PRKCA: variants seen among roughly 807,000 people sequenced by gnomAD.
PRKCA encodes the protein protein kinase C alpha.
In PRKCA, 27 loss-of-function variants were observed where a neutral mutation model predicts 87.0. That is an observed-to-expected ratio of 0.31 (90% CI 0.23 to 0.43). The LOEUF is 0.43. PRKCA is among the 20% of genes least tolerant of loss of function. The pLI is 1.00. For synonymous variants in PRKCA, 329 were observed against 311.1 expected (o/e 1.06, Z -0.61); for missense variants, 518 against 852.3 (o/e 0.61, Z 4.88).
chr17:66,707,847 A>G (rs1973228315), intron 8 of PRKCA, among the ~76,000 whole-genome samples: 1 of 152,188 alleles, frequency 6.6e-6, no homozygotes, highest in Non-Finnish European at 1.5e-5. Context: ...GACCCAGGCC[A>G]CAAGTCAGTT....
chr17:66,664,657 T>C (rs1228462672), intron 5 of PRKCA, among the ~76,000 whole-genome samples: 3 of 141,146 alleles, frequency 2.1e-5, no homozygotes, highest in African/African-American at 7.9e-5. Flanking sequence ...GTTTTTTTTT[T>C]TTTTTTTTTT....
At chr17:66,584,968 A>C (rs567992416) in intron 3 of PRKCA, among the ~76,000 whole-genome samples, 14 of 152,054 alleles carry the variant, frequency 9.2e-5, no homozygotes, top group Non-Finnish European at 1.8e-4. Flanking sequence ...TAAGAGCAGG[A>C]GTTTAATAGG....
intron 2 of PRKCA, among the ~76,000 whole-genome samples, chr17:66,352,209 A>G (rs1405968246): frequency 1.3e-5 from 2 of 152,190 alleles, no homozygotes; most frequent in Non-Finnish European, 2.9e-5. Context: ...TAGTAGGGCT[A>G]CAAAACTCAG....
intron 2 of PRKCA, among the ~76,000 whole-genome samples, chr17:66,366,899 T>G (rs1908762532): frequency 6.6e-6 from 1 of 152,214 alleles, no homozygotes; most frequent in African/African-American, 2.4e-5. Context: ...AATTTTAAAT[T>G]AAATCATCAT....
intron 2 of PRKCA, among the ~76,000 whole-genome samples, chr17:66,487,927 G>A (rs1332793171): frequency 6.6e-6 from 1 of 152,050 alleles, no homozygotes. Context: ...TTCCTTTGCT[G>A]CACAGAAGCT....
At chr17:66,610,541 C>T (rs1033071861) in intron 3 of PRKCA, among the ~76,000 whole-genome samples, 1 of 152,180 alleles carries the variant, frequency 6.6e-6, no homozygotes, top group Non-Finnish European at 1.5e-5. Flanking sequence ...AAAGACACTC[C>T]CATCACCCAG....
At position 66,651,284 on chromosome 17, in the gene PRKCA, T is replaced by C. The variant is rs115990079; in HGVS notation, c.529+5773T>C. Among the ~76,000 whole-genome samples, 1,354 of 152,302 alleles carry C rather than the reference T, an allele frequency of 8.9e-3. 16 individuals are homozygous for C. The highest frequency in any genetic ancestry group is 0.031 in the African/African-American group (1,282 of 41,550). ...GAGCTGCAATCATCAGTTTACCAGT[T>C]GCACAATCCTTAGGAGCCATGCGCA... On this transcript the variant is annotated intron_variant, in intron 5 of 16. Coordinates refer to ENST00000413366, the MANE Select transcript of PRKCA (RefSeq NM_002737.3).
chr17:66,794,346 A>G (rs907353833), intron 16 of PRKCA, among the ~76,000 whole-genome samples: 1 of 152,212 alleles, frequency 6.6e-6, no homozygotes, highest in African/African-American at 2.4e-5. Context: ...GAGAACACAC[A>G]ATCGGGGTTC....
intron 14 of PRKCA, chr17:66,777,668 C>G: frequency 1.0e-6 from 1 of 985,332 alleles, no homozygotes; most frequent in Non-Finnish European, 1.2e-6. Context: ...CCTCTTGATC[C>G]CACTTGAATG....
chr17:66,624,784 T>C (rs1970798858), intron 3 of PRKCA, among the ~76,000 whole-genome samples: 1 of 121,944 alleles, frequency 8.2e-6, no homozygotes, highest in Non-Finnish European at 1.7e-5. Context: ...TGAGACTCCA[T>C]CTCAAATAAA....
At chr17:66,411,651 C>T (rs1911813507) in intron 2 of PRKCA, among the ~76,000 whole-genome samples, 1 of 152,086 alleles carries the variant, frequency 6.6e-6, no homozygotes, top group Admixed American at 6.5e-5. Context: ...CCGAATGGTG[C>T]AAAAGCAGAG....
chr17:66,461,311 T>TA (rs949798317), intron 2 of PRKCA, among the ~76,000 whole-genome samples: 3 of 152,240 alleles, frequency 2.0e-5, no homozygotes, highest in Non-Finnish European at 2.9e-5. Flanking sequence ...TATCTGTATG[T>TA]AAAAAAACCT....
intron 3 of PRKCA, among the ~76,000 whole-genome samples, chr17:66,510,462 C>G (rs1249418769): frequency 6.6e-6 from 1 of 152,096 alleles, no homozygotes; most frequent in African/African-American, 2.4e-5. Context: ...TGTTTTGTCA[C>G]CTGCGTATTT....
At chr17:66,608,793 TG>T (rs1352089637) in intron 3 of PRKCA, among the ~76,000 whole-genome samples, 3 of 152,150 alleles carry the variant, frequency 2.0e-5, no homozygotes, top group Non-Finnish European at 4.4e-5. Flanking sequence ...GGCCAAGAGT[TG>T]ATTGTTGTGT....
intron 2 of PRKCA, among the ~76,000 whole-genome samples, chr17:66,455,347 G>A (rs969664967): frequency 6.6e-6 from 1 of 152,104 alleles, no homozygotes; most frequent in African/African-American, 2.4e-5. Context: ...CAGCTGCCAC[G>A]AAATTGCCAG....
intron 2 of PRKCA, among the ~76,000 whole-genome samples, chr17:66,409,874 C>G (rs149976491): frequency 6.6e-6 from 1 of 152,178 alleles, no homozygotes; most frequent in Non-Finnish European, 1.5e-5. Flanking sequence ...GCCGAGATCA[C>G]GCCACTGCAC....
intron 3 of PRKCA, among the ~76,000 whole-genome samples, chr17:66,556,477 A>G (rs1968498507): frequency 6.6e-6 from 1 of 152,134 alleles, no homozygotes; most frequent in South Asian, 2.1e-4. Context: ...TTTAACCAAA[A>G]GAAGAGAACA....
At chr17:66,472,464 A>G (rs2144020066) in intron 2 of PRKCA, among the ~76,000 whole-genome samples, 1 of 152,284 alleles carries the variant, frequency 6.6e-6, no homozygotes, top group East Asian at 1.9e-4. Context: ...CAGCCTGTGA[A>G]TCCTATTAGC....
rs771837341 is a variant in PRKCA at position 66,803,422 on chromosome 17, C to T, written c.1855-451C>T. On this transcript the variant is annotated intron_variant, in intron 16 of 16. Transcript: ENST00000413366. This position sits in a 1 kb window ranked among gnomAD's most constrained non-coding sequence, Gnocchi z 4.4. Reference sequence around the variant, plus strand: ...AGTTTTTACTTCACTACAAATATTGCGGCAAAAAAACAGATGTGGGGCAGT... The same window carrying T: ...AGTTTTTACTTCACTACAAATATTGTGGCAAAAAAACAGATGTGGGGCAGT... Among the ~76,000 whole-genome samples, 25 of 152,268 alleles carry T rather than the reference C, an allele frequency of 1.6e-4. No homozygotes were observed. Among genetic ancestry groups the T allele is most frequent in the Admixed American group, 3.3e-4 (5 of 15,298 alleles).
Sources: allele counts gnomAD v4.1 joint callset (sites outside exome capture counted in the v4.1 genomes callset), GRCh38; gene constraint gnomAD v4.1.1; non-coding constraint Gnocchi (gnomAD v3.1); transcripts MANE v1.5; gene names NCBI Gene and HGNC (gene_info 2026-07-23, HGNC 2026-07-21).